SHANK2: variants seen among roughly 807,000 people sequenced by gnomAD.
SHANK2 encodes SH3 and multiple ankyrin repeat domains protein 2.
SHANK2 carries 43 observed loss-of-function variants against 133.7 expected under a neutral mutation model. That is an observed-to-expected ratio of 0.32 (90% CI 0.25 to 0.41). SHANK2 has a LOEUF of 0.41. Ranked by LOEUF, SHANK2 falls within the 10% of genes least tolerant of loss-of-function variation. The probability of loss-of-function intolerance (pLI) is 1.00; values close to 1 mark genes in which losing one functional copy is unlikely to be tolerated. For missense variants in SHANK2, 1,994 were observed against 2,235.8 expected (o/e 0.89, Z 2.18); for synonymous variants, 1,017 against 952.8 (o/e 1.07, Z -1.24).
intron 10 of SHANK2, among the ~76,000 whole-genome samples, chr11:70,954,496 T>C (rs1950889615): frequency 6.6e-6 from 1 of 152,194 alleles, no homozygotes; most frequent in African/African-American, 2.4e-5. Flanking sequence ...GGAACTCAGT[T>C]TGGAGCTCTG....
intron 2 of SHANK2, among the ~76,000 whole-genome samples, chr11:71,205,185 A>G (rs921115821): frequency 1.3e-5 from 2 of 152,208 alleles, no homozygotes; most frequent in Non-Finnish European, 2.9e-5. Flanking sequence ...GCCTGACCAC[A>G]GAAGTACCCC....
At chr11:70,488,384 C>T (rs1362133980) in intron 24 of SHANK2, among the ~76,000 whole-genome samples, 4 of 152,234 alleles carry the variant, frequency 2.6e-5, no homozygotes, top group African/African-American at 9.6e-5. Context: ...GCGAAGCCAT[C>T]TGCCCACGGT....
At chr11:70,653,027 C>T (rs782033184) in intron 17 of SHANK2, among the ~76,000 whole-genome samples, 6 of 152,214 alleles carry the variant, frequency 3.9e-5, no homozygotes, top group Non-Finnish European at 8.8e-5. Context: ...GGCTGGAGTG[C>T]AGTGGAGCAA....
Position 71,180,590 on chromosome 11 carries a change from G to A in SHANK2, c.-12-33252C>T, listed in dbSNP as rs1468845725. Among the ~76,000 whole-genome samples the A allele has an allele frequency of 3.3e-5, 5 of 152,286 alleles. No individual in the cohort carries two copies. The East Asian group carries it at 9.6e-4, about 29-fold the overall frequency. On this transcript the variant is annotated intron_variant, in intron 2 of 25. Transcript: ENST00000601538. ...CCACACACAAAGTTCAGTTTCTAAT[G>A]AAAATACATACAGGCTTCTAGAAAA...
intron 15 of SHANK2, 46 bp from the exon 16 acceptor site, chr11:70,661,724 A>G: frequency 6.2e-7 from 1 of 1,614,142 alleles, no homozygotes; most frequent in Non-Finnish European, 8.5e-7. Flanking sequence ...GTAGCCCGTC[A>G]TCATCACCGC....
At chr11:70,916,453 C>T (rs1422955619) in intron 10 of SHANK2, among the ~76,000 whole-genome samples, 1 of 152,122 alleles carries the variant, frequency 6.6e-6, no homozygotes, top group Non-Finnish European at 1.5e-5. Flanking sequence ...GGCTGGCAGA[C>T]AGCAGAAAAG....
intron 10 of SHANK2, among the ~76,000 whole-genome samples, chr11:70,947,420 T>G (rs1271370032): frequency 6.6e-6 from 1 of 151,024 alleles, no homozygotes; most frequent in African/African-American, 2.4e-5. Context: ...TGGCACAATC[T>G]TGGCTCACTG....
chr11:70,498,880 G>GGATTTA (rs1417788552), intron 21 of SHANK2, among the ~76,000 whole-genome samples: 1 of 152,122 alleles, frequency 6.6e-6, no homozygotes, highest in African/African-American at 2.4e-5. Context: ...ACACACCACT[G>GGATTTA]GATTTAGGGC....
intron 15 of SHANK2, chr11:70,669,536 C>T (rs1944754936): frequency 6.6e-6 from 1 of 152,596 alleles, no homozygotes; most frequent in African/African-American, 2.4e-5. Context: ...AAGGGGCCTC[C>T]AGAGCCACCG....
chr11:70,732,035 CCA>C (rs1946300952), intron 14 of SHANK2, among the ~76,000 whole-genome samples: 1 of 152,128 alleles, frequency 6.6e-6, no homozygotes, highest in Non-Finnish European at 1.5e-5. Flanking sequence ...TCCTCTCTGG[CCA>C]CACACACCCC....
intron 1 of SHANK2, among the ~76,000 whole-genome samples, chr11:71,233,194 C>A (rs986325232): frequency 1.3e-5 from 2 of 151,890 alleles, no homozygotes; most frequent in Admixed American, 1.3e-4. Flanking sequence ...TACCTCATAA[C>A]AGCCCAAAAG....
At position 70,591,742 on chromosome 11, in the gene SHANK2, C is replaced by T. The variant is rs185700174; in HGVS notation, c.2061+68086G>A. On this transcript the variant is annotated intron_variant, in intron 17 of 25. Transcript: ENST00000601538. ...TTAAAATGCAGAGATGTGGGCCGGG[C>T]GCGGTGGCTCACACCTGTAATCCCA... Among the ~76,000 whole-genome samples the T allele has an allele frequency of 7.9e-4, 120 of 152,180 alleles. 1 individual carries two copies. Among genetic ancestry groups the T allele is most frequent in the African/African-American group, 2.8e-3 (117 of 41,542 alleles).
intron 17 of SHANK2, among the ~76,000 whole-genome samples, chr11:70,572,424 T>C (rs1554983282): frequency 6.6e-6 from 1 of 152,186 alleles, no homozygotes; most frequent in South Asian, 2.1e-4. Flanking sequence ...CCTCCCAAAG[T>C]GCTCGAATTA....
intron 17 of SHANK2, among the ~76,000 whole-genome samples, chr11:70,609,060 G>C (rs1197174496): frequency 1.3e-5 from 2 of 152,248 alleles, no homozygotes; most frequent in East Asian, 3.9e-4. Flanking sequence ...CTGTTGGCAG[G>C]AGGGCCCAGC....
chr11:70,569,397 C>G lies in SHANK2; in HGVS notation c.2062-66466G>C, dbSNP rs546535812. Among the ~76,000 whole-genome samples the G allele has an allele frequency of 2.6e-3, 396 of 152,268 alleles. 3 individuals carry two copies. Among genetic ancestry groups the G allele is most frequent in the African/African-American group, 9.2e-3 (383 of 41,556 alleles). On this transcript the variant is annotated intron_variant, in intron 17 of 25. Transcript: ENST00000601538. The surrounding 1 kb of genome is among the most constrained non-coding windows in gnomAD (Gnocchi z 5.1). ...GTGGAGCGGGGAGCTCCGGGGCTGG[C>G]AGAGTGAGCAGGGCCTGGGTCCTGA...
intron 6 of SHANK2, among the ~76,000 whole-genome samples, chr11:71,104,775 G>GA (rs1951777453): frequency 6.6e-6 from 1 of 152,086 alleles, no homozygotes; most frequent in Non-Finnish European, 1.5e-5. Flanking sequence ...TCCTGATTTG[G>GA]AAAAAACAAA....
intron 14 of SHANK2, among the ~76,000 whole-genome samples, chr11:70,734,927 G>A (rs1946370410): frequency 6.6e-6 from 1 of 152,362 alleles, no homozygotes; most frequent in East Asian, 1.9e-4. Flanking sequence ...AGCTGGGAAT[G>A]GCAGGATATT....
chr11:71,248,148 AC>A (rs1555125291), intron 1 of SHANK2, among the ~76,000 whole-genome samples: 1 of 152,116 alleles, frequency 6.6e-6, no homozygotes, highest in Non-Finnish European at 1.5e-5. Flanking sequence ...AAGAACAGAA[AC>A]CCTAGAATGC....
Position 71,101,289 on chromosome 11 carries a change from G to A in SHANK2, c.593-6601C>T, listed in dbSNP as rs191206855. Among the ~76,000 whole-genome samples, 174 of 152,176 alleles carry A rather than the reference G, an allele frequency of 1.1e-3. 1 individual carries two copies. The highest frequency in any genetic ancestry group is 3.8e-3 in the African/African-American group (158 of 41,516). On this transcript the variant is annotated intron_variant, in intron 6 of 25. Transcript: ENST00000601538. The stretch of plus-strand genomic sequence containing the variant: ...CCTTACCCTCGCCACTCCCTCTGCC[G>A]CATTTTCCTTACTGAAGGCACGGCA...
Sources: allele counts gnomAD v4.1 joint callset (sites outside exome capture counted in the v4.1 genomes callset), GRCh38; gene constraint gnomAD v4.1.1; non-coding constraint Gnocchi (gnomAD v3.1); transcripts MANE v1.5; gene names NCBI Gene and HGNC (gene_info 2026-07-23, HGNC 2026-07-21).